Variants in MEGF11 observed in about 807,000 individuals in gnomAD.
MEGF11 encodes multiple epidermal growth factor-like domains protein 11.
A neutral mutation model predicts 146.6 loss-of-function variants in MEGF11; 126 were observed. The observed-to-expected ratio is 0.86, with a 90% confidence interval of 0.74 to 1.00. The LOEUF (loss-of-function observed/expected upper bound fraction) is 1.00, where lower values mean the gene tolerates loss of function less well. MEGF11 is among the 50% of genes least tolerant of loss of function. MEGF11 has a pLI of 0.00. For missense variants in MEGF11, 1,509 were observed against 1,521.2 expected (o/e 0.99, Z 0.13); for synonymous variants, 532 against 583.4 (o/e 0.91, Z 1.27).
intron 13 of MEGF11, among the ~76,000 whole-genome samples, chr15:65,924,641 T>C (rs1437406237): frequency 6.6e-6 from 1 of 150,598 alleles, no homozygotes; most frequent in Non-Finnish European, 1.5e-5. Context: ...TTTTTTTTTT[T>C]TTTTGGAGAC....
intron 8 of MEGF11, among the ~76,000 whole-genome samples, chr15:65,965,641 T>C (rs2081066466): frequency 7.1e-6 from 1 of 140,592 alleles, no homozygotes. Flanking sequence ...TCTTCTATTC[T>C]TTTCGCCCTC....
intron 1 of MEGF11, among the ~76,000 whole-genome samples, chr15:66,235,585 G>A (rs1264830604): frequency 6.6e-6 from 1 of 152,016 alleles, no homozygotes; most frequent in Non-Finnish European, 1.5e-5. Flanking sequence ...CTACCCAGGG[G>A]TCTCAACTAC....
At chr15:66,006,019 G>A (rs2082509370) in intron 5 of MEGF11, among the ~76,000 whole-genome samples, 1 of 152,240 alleles carries the variant, frequency 6.6e-6, no homozygotes, top group Non-Finnish European at 1.5e-5. Flanking sequence ...CAAAGGGCTT[G>A]TTAACCAGAG....
chr15:66,144,266 G>A (rs2089282979), intron 1 of MEGF11, among the ~76,000 whole-genome samples: 1 of 152,118 alleles, frequency 6.6e-6, no homozygotes, highest in South Asian at 2.1e-4. Flanking sequence ...TTGTCCAAAA[G>A]CTCCCCCAGG....
chr15:66,215,665 G>C (rs774626489), intron 1 of MEGF11, among the ~76,000 whole-genome samples: 35 of 152,156 alleles, frequency 2.3e-4, no homozygotes, highest in Admixed American at 3.9e-4. Context: ...ATTGAAATGG[G>C]GAACAGGAGG....
chr15:66,153,389 A>G (rs1458724146), intron 1 of MEGF11, among the ~76,000 whole-genome samples: 3 of 152,128 alleles, frequency 2.0e-5, no homozygotes, highest in African/African-American at 7.2e-5. Context: ...CCTGGCCAAC[A>G]TGGTGAAGTC....
At chr15:65,975,233 A>AGT (rs2081411247) in intron 7 of MEGF11, among the ~76,000 whole-genome samples, 1 of 152,210 alleles carries the variant, frequency 6.6e-6, no homozygotes, top group Admixed American at 6.5e-5. Context: ...TCTGGGCTCA[A>AGT]GTGATCCTCC....
At chr15:66,048,687 G>A (rs1202188954) in intron 5 of MEGF11, among the ~76,000 whole-genome samples, 1 of 152,208 alleles carries the variant, frequency 6.6e-6, no homozygotes, top group Non-Finnish European at 1.5e-5. Context: ...CTGGTGGGTG[G>A]CAAAAAGGGA....
At chr15:65,907,708 C>T (rs778923475) in intron 23 of MEGF11, among the ~76,000 whole-genome samples, 1 of 152,244 alleles carries the variant, frequency 6.6e-6, no homozygotes, top group African/African-American at 2.4e-5. Context: ...ACAAGGGCTT[C>T]CTTTGCCCTT....
At chr15:65,976,864 A>G (rs1217447127) in intron 7 of MEGF11, among the ~76,000 whole-genome samples, 1 of 152,110 alleles carries the variant, frequency 6.6e-6, no homozygotes, top group African/African-American at 2.4e-5. Context: ...CTTTAAGAGG[A>G]TCTTGGCGGC....
chr15:66,177,159 C>T (rs2090407986), intron 1 of MEGF11, among the ~76,000 whole-genome samples: 1 of 152,098 alleles, frequency 6.6e-6, no homozygotes, highest in Admixed American at 6.5e-5. Context: ...CCTTATCTTC[C>T]CCCAAATTAT....
At chr15:66,153,092 G>A (rs532120346) in intron 1 of MEGF11, among the ~76,000 whole-genome samples, 4 of 152,288 alleles carry the variant, frequency 2.6e-5, no homozygotes, top group South Asian at 2.1e-4. Context: ...TCCACACTCA[G>A]TCCTTTTTGC....
At chr15:66,106,300 T>C (rs1441352917) in intron 4 of MEGF11, among the ~76,000 whole-genome samples, 2 of 152,218 alleles carry the variant, frequency 1.3e-5, no homozygotes, top group African/African-American at 4.8e-5. Flanking sequence ...GGGGGCTTTT[T>C]CATGGACAGA....
At chr15:66,138,384 C>T (rs555938383) in intron 1 of MEGF11, among the ~76,000 whole-genome samples, 3 of 152,114 alleles carry the variant, frequency 2.0e-5, no homozygotes, top group African/African-American at 2.4e-5. Flanking sequence ...AACATTATGC[C>T]GTTTCAAAGA....
In MEGF11 at chr15:66,123,968, T is replaced by C. The variant is rs1222470994; in HGVS notation, c.131A>G (p.His44Arg). 1 of 1,613,792 alleles carries C rather than the reference T, an allele frequency of 6.2e-7. No individual in the cohort carries two copies. The highest frequency in any genetic ancestry group is 1.7e-5 in the Admixed American group (1 of 60,010). ...YAVTVQESYA[H>R]PFDQIYYTRC... ...TGTGTAATAGATCTGATCGAAGGGG[T>C]GTGCATACGATTCCTGGACAGTCAC... The change falls in exon 3 of 26, where the codon CAC becomes CGC. Residue 44 changes from histidine to arginine, a missense_variant. His to Arg is a conservative substitution (Grantham distance 29). Coordinates refer to ENST00000395614, the MANE Select transcript of MEGF11 (RefSeq NM_001385028.1).
chr15:66,128,454 T>C (rs992531898), intron 1 of MEGF11, 43 bp from the exon 2 acceptor site: 92 of 1,215,344 alleles, frequency 7.6e-5, no homozygotes, highest in Non-Finnish European at 8.0e-5. Context: ...GATCAGACCA[T>C]GTTCCTGGCA....
chr15:65,992,917 G>A (rs942150013), intron 5 of MEGF11, among the ~76,000 whole-genome samples: 7 of 152,184 alleles, frequency 4.6e-5, no homozygotes, highest in Non-Finnish European at 1.0e-4. Flanking sequence ...TGAGGACATT[G>A]AGGACCCAGG....
intron 5 of MEGF11, among the ~76,000 whole-genome samples, chr15:65,999,854 G>A (rs1051524695): frequency 2.0e-5 from 3 of 152,320 alleles, no homozygotes; most frequent in East Asian, 3.9e-4. Flanking sequence ...CAGGATTGAC[G>A]GTAGGTCATT....
Position 66,190,253 on chromosome 15 carries a change from T to C in MEGF11, c.-8-61842A>G, listed in dbSNP as rs566197630. On this transcript the variant is annotated intron_variant, in intron 1 of 25. Coordinates refer to ENST00000395614, the MANE Select transcript of MEGF11 (RefSeq NM_001385028.1). ...GGAAGGATTTAGGGTAGACACTAAA[T>C]GGGGCTTTTCTTTTCTGTAAATTGC... 3.9e-5 allele frequency among the ~76,000 whole-genome samples: 6 copies of C among 152,290 alleles called. No individual in the cohort carries two copies. In the East Asian group the frequency reaches 1.2e-3, roughly 29 times the overall value.
Sources: allele counts gnomAD v4.1 joint callset (sites outside exome capture counted in the v4.1 genomes callset), GRCh38; gene constraint gnomAD v4.1.1; transcripts MANE v1.5; gene names NCBI Gene and HGNC (gene_info 2026-07-23, HGNC 2026-07-21).